The following ATP11B variants were observed in gnomAD, a reference collection of about 807,000 sequenced individuals.
ATP11B encodes phospholipid-transporting ATPase IF.
In ATP11B, 81 loss-of-function variants were observed where a neutral mutation model predicts 157.8. The ratio of observed to expected loss-of-function variants is 0.51; its 90% CI spans 0.43 to 0.62. The LOEUF (loss-of-function observed/expected upper bound fraction) is 0.62, where lower values mean the gene tolerates loss of function less well. Among genes scored for constraint, ATP11B ranks in the 20% least tolerant of loss-of-function variants. The pLI is 0.00. For synonymous variants in ATP11B, 451 were observed against 469.4 expected (o/e 0.96, Z 0.51); for missense variants, 1,165 against 1,402.2 (o/e 0.83, Z 2.70).
At chr3:182,886,070 C>A in intron 23 of ATP11B, 60 bp downstream of exon 23, 1 of 1,166,744 alleles carries the variant, frequency 8.6e-7, no homozygotes, top group Non-Finnish European at 1.2e-6. Context: ...TATGTATGTT[C>A]AGATTTTGAT....
At chr3:182,865,894 C>T (rs1199995977) in intron 13 of ATP11B, among the ~76,000 whole-genome samples, 196 bp downstream of exon 13, 2 of 151,508 alleles carry the variant, frequency 1.3e-5, no homozygotes, top group Admixed American at 6.6e-5. Context: ...TTATTTAATA[C>T]GTGTCTGCCT....
rs1017838876 is a variant in ATP11B at position 182,907,628 on chromosome 3, G to A, written c.3319-6233G>A. Reference sequence around the variant, plus strand: ...GTGCCTTGCTATAGAAAGATGTTTAGGCTTTTTTAATAGGCTCTGATTGAG... The same window carrying A: ...GTGCCTTGCTATAGAAAGATGTTTAAGCTTTTTTAATAGGCTCTGATTGAG... On this transcript the variant is annotated intron_variant, in intron 28 of 29. Transcript: ENST00000323116. Among the ~76,000 whole-genome samples, 6 of 152,102 alleles carry A rather than the reference G, an allele frequency of 3.9e-5. No homozygotes were observed. In the South Asian group the frequency reaches 1.2e-3, roughly 32 times the overall value.
chr3:182,889,359 G>T, intron 24 of ATP11B, 51 bp from the exon 25 acceptor site: 1 of 1,286,316 alleles, frequency 7.8e-7, no homozygotes, highest in East Asian at 2.6e-5. Context: ...TGTTTAGTGG[G>T]CAAATAATAA....
At chr3:182,801,062 A>G (rs944563129) in intron 1 of ATP11B, among the ~76,000 whole-genome samples, 1 of 152,200 alleles carries the variant, frequency 6.6e-6, no homozygotes, top group Admixed American at 6.5e-5. Context: ...TCGGCCTCCC[A>G]GAGTGCTGGG....
intron 1 of ATP11B, among the ~76,000 whole-genome samples, chr3:182,809,768 A>G (rs1716539905): frequency 6.6e-6 from 1 of 152,246 alleles, no homozygotes; most frequent in Admixed American, 6.5e-5. Context: ...AAATAGCTTA[A>G]GGCATAAATC....
At chr3:182,888,087 C>G (rs796135503) in intron 24 of ATP11B, among the ~76,000 whole-genome samples, 46 of 152,262 alleles carry the variant, frequency 3.0e-4, no homozygotes, top group African/African-American at 1.0e-3. Context: ...ATAATTAGTG[C>G]AAAATCCAGA....
intron 25 of ATP11B, among the ~76,000 whole-genome samples, chr3:182,892,379 G>A (rs1230706139): frequency 6.6e-6 from 1 of 152,112 alleles, no homozygotes; most frequent in Non-Finnish European, 1.5e-5. Flanking sequence ...TATTGTTATT[G>A]CATGCCCAAG....
At chr3:182,821,453 T>G (rs1717341908) in intron 2 of ATP11B, among the ~76,000 whole-genome samples, 1 of 152,174 alleles carries the variant, frequency 6.6e-6, no homozygotes, top group African/African-American at 2.4e-5. Flanking sequence ...AAAGTCTGCT[T>G]CCTCCAATTT....
At chr3:182,915,594 A>G (rs925739888) in intron 29 of ATP11B, 111 of 971,532 alleles carry the variant, frequency 1.1e-4, no homozygotes, top group Non-Finnish European at 1.3e-4. Context: ...CTCTTTAATG[A>G]CAATATACGT....
intron 25 of ATP11B, 150 bp from the exon 26 acceptor site, chr3:182,896,550 A>G (rs1211715577): frequency 1.6e-6 from 1 of 644,634 alleles, no homozygotes; most frequent in Non-Finnish European, 2.8e-6. Flanking sequence ...TGTTCTTCTC[A>G]TACTTTTAAC....
At chr3:182,864,092 C>CT (rs1387735681) in intron 12 of ATP11B, among the ~76,000 whole-genome samples, 37 of 151,918 alleles carry the variant, frequency 2.4e-4, no homozygotes, top group Non-Finnish European at 3.1e-4. Context: ...TTAACCCTAC[C>CT]TTTCTTTTTG....
At chr3:182,813,200 G>A (rs1716774068) in intron 1 of ATP11B, among the ~76,000 whole-genome samples, 1 of 152,118 alleles carries the variant, frequency 6.6e-6, no homozygotes, top group African/African-American at 2.4e-5. Context: ...TATTCTTCGA[G>A]CTCCTTCTTT....
chr3:182,855,304 G>A (rs1332065066), intron 10 of ATP11B, among the ~76,000 whole-genome samples: 1 of 152,114 alleles, frequency 6.6e-6, no homozygotes, highest in Non-Finnish European at 1.5e-5. Flanking sequence ...AATAGAGGAA[G>A]TGTAATCTTT....
chr3:182,906,660 A>G (rs1012686523), intron 28 of ATP11B, among the ~76,000 whole-genome samples: 2 of 151,988 alleles, frequency 1.3e-5, no homozygotes, highest in African/African-American at 4.8e-5. Context: ...CGTGTTGCAC[A>G]CACTGGTCTC....
chr3:182,910,230 G>A (rs543374159), intron 28 of ATP11B, among the ~76,000 whole-genome samples: 1 of 152,080 alleles, frequency 6.6e-6, no homozygotes, highest in African/African-American at 2.4e-5. Context: ...ATTTCAAGAT[G>A]TTTACCTTCT....
At position 182,859,043 on chromosome 3, in the gene ATP11B, A is replaced by G. The variant is rs533656544; in HGVS notation, c.1003-119A>G. ...GAATTTCAATTCATGAGACTATTCT[A>G]CCTCAGAATATAGTTGATGGTCTAT... On this transcript the variant is annotated intron_variant, in intron 11 of 29. Transcript: ENST00000323116. 186 of 602,028 alleles carry G rather than the reference A, an allele frequency of 3.1e-4. 2 individuals carry two copies. Among genetic ancestry groups the G allele is most frequent in the African/African-American group, 3.0e-3 (162 of 53,482 alleles). The allele number at this position is 602,028 out of a possible 1,614,324, so 37.3% of individuals were successfully genotyped here.
chr3:182,829,016 G>T (rs1717927638), intron 3 of ATP11B, among the ~76,000 whole-genome samples: 1 of 151,980 alleles, frequency 6.6e-6, no homozygotes, highest in Non-Finnish European at 1.5e-5. Context: ...TTTTTAAAAA[G>T]AAAAAATTGC....
Position 182,800,827 on chromosome 3 carries a change from C to G in ATP11B, c.27+7041C>G, listed in dbSNP as rs1020913075. On this transcript the variant is annotated intron_variant, in intron 1 of 29. Transcript: ENST00000323116. ...AGACAGTCTCGCTTTGTCACCCAGG[C>G]TAGAGTGCAGTGGCGCGATCTCCGC... 8.3e-4 allele frequency among the ~76,000 whole-genome samples: 124 copies of G among 149,182 alleles called. 1 individual carries two copies. Among genetic ancestry groups the G allele is most frequent in the African/African-American group, 2.8e-3 (112 of 40,170 alleles).
At chr3:182,872,656 A>G in intron 18 of ATP11B, 119 bp downstream of exon 18, 1 of 934,300 alleles carries the variant, frequency 1.1e-6, no homozygotes, top group South Asian at 2.3e-5. Context: ...TTAAGATCAA[A>G]GTAGAGAACT....
Sources: allele counts gnomAD v4.1 joint callset (sites outside exome capture counted in the v4.1 genomes callset), GRCh38; gene constraint gnomAD v4.1.1; transcripts MANE v1.5; gene names NCBI Gene and HGNC (gene_info 2026-07-23, HGNC 2026-07-21).